Variants in CMTM4 observed in about 807,000 individuals in gnomAD.
CMTM4 encodes the protein CKLF like MARVEL transmembrane domain containing 4, also known as CKLF-like MARVEL transmembrane domain-containing protein 4.
Under a neutral mutation model 19.0 loss-of-function variants are expected in CMTM4, and 8 were observed. The ratio of observed to expected loss-of-function variants is 0.42; its 90% confidence interval spans 0.25 to 0.76. The LOEUF is 0.76. CMTM4 is among the 30% of genes least tolerant of loss of function. The pLI is 0.27. For synonymous variants in CMTM4, 106 were observed against 121.1 expected, an observed-to-expected ratio of 0.88 and a Z score of 0.82; for missense variants, 228 against 290.2, an observed-to-expected ratio of 0.79 and a Z score of 1.56.
At chr16:66,604,694 T>A in the CMTM4 span, 107 of 859,698 alleles carry the variant, frequency 1.2e-4, 1 homozygote, top group Middle Eastern at 1.7e-3. Context: ...GATGCGCCCC[T>A]GCGCGAGCCA....
the CMTM4 span, among the ~76,000 whole-genome samples, chr16:66,599,666 G>C: frequency 2.0e-5 from 3 of 152,194 alleles, no homozygotes; most frequent in Admixed American, 6.5e-5. Context: ...TGGCCCTCAA[G>C]ATACTTTTTA....
chr16:66,659,291 C>T (rs2016458732), intron 1 of CMTM4, among the ~76,000 whole-genome samples: 1 of 151,864 alleles, frequency 6.6e-6, no homozygotes, highest in Non-Finnish European at 1.5e-5. Flanking sequence ...ACAAGAATCA[C>T]TTGAACCTCA....
intron 1 of CMTM4, among the ~76,000 whole-genome samples, chr16:66,644,700 C>G (rs968385454): frequency 2.6e-5 from 4 of 152,164 alleles, no homozygotes; most frequent in African/African-American, 9.7e-5. Context: ...CCCTTGGCAG[C>G]AGCCTTTTGG....
rs1471966638 is a variant in CMTM4, at chr16:66,622,967, C to T, written c.462+437G>A. Among the ~76,000 whole-genome samples the T allele has an allele frequency of 6.6e-6, 1 of 152,210 alleles. No individual in the cohort carries two copies. Among genetic ancestry groups the T allele is most frequent in the Non-Finnish European group, 1.5e-5 (1 of 68,034 alleles). On this transcript the variant is annotated intron_variant, in intron 3 of 3. Transcript: ENST00000394106. This position sits in a 1 kb window ranked among gnomAD's most constrained non-coding sequence, Gnocchi z 4.0. Reference sequence around the variant, plus strand: ...GAGGGGAAGTCCTACATTATCTGGTCCCCACCTGCCGTGGCATTTCCACCT... The same window carrying T: ...GAGGGGAAGTCCTACATTATCTGGTTCCCACCTGCCGTGGCATTTCCACCT...
At chr16:66,664,698 C>G (rs1042332212) in intron 1 of CMTM4, among the ~76,000 whole-genome samples, 8 of 150,392 alleles carry the variant, frequency 5.3e-5, no homozygotes, top group African/African-American at 2.0e-4. Flanking sequence ...CTCAATAAAT[C>G]AATTATAATG....
chr16:66,678,054 T>C (rs1476868982), intron 1 of CMTM4, among the ~76,000 whole-genome samples: 1 of 152,098 alleles, frequency 6.6e-6, no homozygotes, highest in African/African-American at 2.4e-5. Flanking sequence ...GGCACGTGCC[T>C]ATACTCCCAG....
chr16:66,645,436 G>GT (rs2016175152), intron 1 of CMTM4, among the ~76,000 whole-genome samples: 1 of 151,788 alleles, frequency 6.6e-6, no homozygotes, highest in African/African-American at 2.4e-5. Flanking sequence ...AAATTAGCCA[G>GT]GCATGGTGGC....
chr16:66,600,140 T>TTTTG, the CMTM4 span, among the ~76,000 whole-genome samples: 1 of 139,718 alleles, frequency 7.2e-6, no homozygotes, highest in African/African-American at 2.7e-5. Context: ...GTGTGTGTTT[T>TTTTG]TTTTTGTTTT....
chr16:66,602,704 G>A, the CMTM4 span, among the ~76,000 whole-genome samples: 3 of 152,000 alleles, frequency 2.0e-5, no homozygotes, highest in Non-Finnish European at 4.4e-5. Context: ...GTGCCACCAC[G>A]CCCAGCTAAT....
chr16:66,609,417 A>T, the CMTM4 span: 1 of 1,606,392 alleles, frequency 6.2e-7, no homozygotes, highest in Non-Finnish European at 8.5e-7. This position sits in a 1 kb window ranked among gnomAD's most constrained non-coding sequence, Gnocchi z 4.4. Context: ...TCAGGGCAGC[A>T]TGCCCCTCTC....
rs2015992692 is a variant in CMTM4, at chr16:66,636,447, G to A, written c.321C>T (p.Leu107=). ...TCTGGGGGATCCTCATGTGCAGGTT[G>A]AGACTGAACATAATCAGCAAGACGC... ...VTGVLLIMFS[L]NLHMRIPQIN... The change falls in exon 2 of 4, where the codon CTC becomes CTT. Residue 107 remains leucine (L), a synonymous_variant. Transcript: ENST00000394106. 1.2e-6 allele frequency: 2 copies of A among 1,614,014 alleles called. No homozygotes were observed. Among genetic ancestry groups the A allele is most frequent in the African/African-American group, 2.7e-5 (2 of 74,906 alleles).
At chr16:66,686,928 C>A (rs897496096) in intron 1 of CMTM4, among the ~76,000 whole-genome samples, 3 of 152,110 alleles carry the variant, frequency 2.0e-5, no homozygotes, top group Non-Finnish European at 4.4e-5. Flanking sequence ...GACTTTGCCA[C>A]AGGGGATCAT....
downstream of CMTM4, chr16:66,610,109 C>T: frequency 7.0e-7 from 1 of 1,429,700 alleles, no homozygotes; most frequent in Non-Finnish European, 9.6e-7. This position sits in a 1 kb window ranked among gnomAD's most constrained non-coding sequence, Gnocchi z 4.6. Context: ...CCTCTCTCCC[C>T]ATGGCAGGAA....
downstream of CMTM4, chr16:66,611,076 G>GT (rs762757809): frequency 4.9e-4 from 194 of 393,298 alleles, no homozygotes; most frequent in South Asian, 1.7e-3. Context: ...GTTTTATTTT[G>GT]TTTTTTTTGT....
chr16:66,660,248 C>T (rs1427049820), intron 1 of CMTM4, among the ~76,000 whole-genome samples: 1 of 151,868 alleles, frequency 6.6e-6, no homozygotes, highest in East Asian at 1.9e-4. Context: ...ATTAGCCAGG[C>T]GTGGTGGCAC....
intron 1 of CMTM4, among the ~76,000 whole-genome samples, chr16:66,665,517 G>C (rs1041889617): frequency 2.6e-5 from 4 of 152,064 alleles, no homozygotes; most frequent in African/African-American, 4.8e-5. Context: ...GGCCCAGGCA[G>C]GCAGATCACC....
chr16:66,603,230 G>A, the CMTM4 span, among the ~76,000 whole-genome samples: 1 of 152,268 alleles, frequency 6.6e-6, no homozygotes, highest in East Asian at 1.9e-4. Flanking sequence ...GGTGAGAAAT[G>A]GTAGAGGAAC....
At position 66,621,717 on chromosome 16, in the gene CMTM4, C is replaced by G. The variant is rs2015638769; in HGVS notation, c.*341G>C. On this transcript the variant is annotated 3_prime_UTR_variant, in exon 4 of 4. Coordinates refer to ENST00000394106, the MANE Select transcript of CMTM4 (RefSeq NM_181521.3). Reference sequence around the variant, plus strand: ...TCCCTTCATTCCTTCATATTTCCCCCCTCTTAGCAGCCCCATTTAATCCAA... The same window carrying G: ...TCCCTTCATTCCTTCATATTTCCCCGCTCTTAGCAGCCCCATTTAATCCAA... 4 of 1,093,728 alleles carry G rather than the reference C, an allele frequency of 3.7e-6. No homozygotes were observed. The highest frequency in any genetic ancestry group is 4.5e-6 in the Non-Finnish European group (4 of 893,900). The allele number at this position is 1,093,728 out of a possible 1,614,324, so 67.8% of individuals were successfully genotyped here. A position where few individuals can be genotyped will look rare whatever the true frequency, so the allele number is the denominator to read the frequency against.
intron 1 of CMTM4, among the ~76,000 whole-genome samples, chr16:66,665,608 G>C (rs1322673934): frequency 6.6e-6 from 1 of 152,054 alleles, no homozygotes; most frequent in Non-Finnish European, 1.5e-5. Flanking sequence ...GCTGGGTGTG[G>C]TGGTACATGC....
Sources: allele counts gnomAD v4.1 joint callset (sites outside exome capture counted in the v4.1 genomes callset), GRCh38; gene constraint gnomAD v4.1.1; non-coding constraint Gnocchi (gnomAD v3.1); transcripts MANE v1.5; gene names NCBI Gene and HGNC (gene_info 2026-07-23, HGNC 2026-07-21).